NRXN3: variants seen among roughly 807,000 people sequenced by gnomAD.
NRXN3 encodes neurexin 3.
NRXN3 carries 32 observed loss-of-function variants against 137.6 expected under a neutral mutation model. That is an observed-to-expected ratio of 0.23 (90% confidence interval 0.18 to 0.31). The LOEUF is 0.31. NRXN3 is among the 10% of genes least tolerant of loss of function. The pLI is 1.00. For missense variants in NRXN3, 1,574 were observed against 2,062.5 expected (o/e 0.76, Z 4.59); for synonymous variants, 798 against 784.5 (o/e 1.02, Z -0.29).
In NRXN3 at chr14:78,765,082, T is replaced by A. The variant is rs78447348; in HGVS notation, c.2045-38538T>A. On this transcript the variant is annotated intron_variant, in intron 8 of 20. Coordinates refer to ENST00000335750, the MANE Select transcript of NRXN3 (RefSeq NM_001330195.2). ...TAAATGTATGCTATGGTCACCTCTG[T>A]AGAGGAAGAGAGCACAGAAAATTTT... is the stretch of plus-strand genomic sequence containing the variant. Among the ~76,000 whole-genome samples, 541 of 152,176 alleles carry A rather than the reference T, an allele frequency of 3.6e-3. 18 individuals are homozygous for A. In the East Asian group the frequency reaches 0.061, roughly 17 times the overall value.
chr14:78,608,113 A>G (rs960736958), intron 4 of NRXN3, among the ~76,000 whole-genome samples: 6 of 152,232 alleles, frequency 3.9e-5, no homozygotes, highest in Non-Finnish European at 8.8e-5. Flanking sequence ...CAGAGACATG[A>G]AACAGAAGTT....
intron 19 of NRXN3, among the ~76,000 whole-genome samples, chr14:79,716,541 C>G (rs2098824272): frequency 6.6e-6 from 1 of 152,028 alleles, no homozygotes; most frequent in South Asian, 2.1e-4. Context: ...AAATTTGATT[C>G]TTCTTCCTAT....
At chr14:78,369,273 T>C (rs1200014904) in intron 4 of NRXN3, among the ~76,000 whole-genome samples, 2 of 150,394 alleles carry the variant, frequency 1.3e-5, no homozygotes, top group African/African-American at 4.9e-5. Context: ...GCTTTGCCAA[T>C]AAAGGTTTTT....
intron 15 of NRXN3, among the ~76,000 whole-genome samples, chr14:79,035,075 C>T (rs1311417246): frequency 1.3e-5 from 2 of 152,106 alleles, no homozygotes; most frequent in Non-Finnish European, 2.9e-5. Flanking sequence ...CTGATATCAA[C>T]TTTAATTTCA....
intron 4 of NRXN3, among the ~76,000 whole-genome samples, chr14:78,637,476 AT>A (rs2097577130): frequency 6.6e-6 from 1 of 152,222 alleles, no homozygotes; most frequent in Admixed American, 6.5e-5. Context: ...AACAACAATG[AT>A]AGCTAACACT....
At chr14:79,001,083 C>T (rs1414762887) in intron 15 of NRXN3, among the ~76,000 whole-genome samples, 1 of 152,106 alleles carries the variant, frequency 6.6e-6, no homozygotes, top group African/African-American at 2.4e-5. Flanking sequence ...GATTGTGGCT[C>T]TATTTCCTGA....
intron 16 of NRXN3, among the ~76,000 whole-genome samples, chr14:79,473,161 A>G (rs898706640): frequency 2.6e-5 from 4 of 152,100 alleles, no homozygotes; most frequent in Non-Finnish European, 5.9e-5. Context: ...GGGGCAGACA[A>G]AGAACTGCTG....
intron 4 of NRXN3, among the ~76,000 whole-genome samples, chr14:78,633,536 G>T (rs1296924224): frequency 6.6e-6 from 1 of 152,078 alleles, no homozygotes; most frequent in Non-Finnish European, 1.5e-5. Flanking sequence ...CTGGGAATTA[G>T]CAGTCCCTTC....
chr14:78,263,129 T>C (rs184707800), intron 2 of NRXN3, among the ~76,000 whole-genome samples: 1 of 152,292 alleles, frequency 6.6e-6, no homozygotes, highest in Admixed American at 6.5e-5. Context: ...AATATGATGA[T>C]ATAAAGTGTC....
chr14:79,433,877 T>A (rs1267930023), intron 15 of NRXN3, among the ~76,000 whole-genome samples: 1 of 152,206 alleles, frequency 6.6e-6, no homozygotes, highest in East Asian at 1.9e-4. Flanking sequence ...AGTGGTTCTT[T>A]TGCAGAGAAA....
At chr14:79,511,995 G>A (rs1351658104) in intron 16 of NRXN3, among the ~76,000 whole-genome samples, 2 of 152,130 alleles carry the variant, frequency 1.3e-5, no homozygotes, top group African/African-American at 4.8e-5. Flanking sequence ...TGCCTCCCGG[G>A]TTCAAGTGAT....
intron 6 of NRXN3, among the ~76,000 whole-genome samples, chr14:78,679,640 TG>T (rs993645361): frequency 2.6e-5 from 4 of 152,204 alleles, no homozygotes; most frequent in African/African-American, 9.6e-5. Flanking sequence ...TATTTGTGAG[TG>T]GGAAGTGAGG....
intron 16 of NRXN3, 139 bp downstream of exon 16, chr14:79,467,541 A>G (rs1371883927): frequency 2.7e-6 from 2 of 730,118 alleles, no homozygotes; most frequent in East Asian, 3.0e-5. Flanking sequence ...GATGTGAACC[A>G]TCATATTTAC....
intron 15 of NRXN3, among the ~76,000 whole-genome samples, chr14:79,067,466 G>A (rs1381790297): frequency 6.6e-6 from 1 of 152,084 alleles, no homozygotes; most frequent in African/African-American, 2.4e-5. Flanking sequence ...GTATCTGGAT[G>A]ATGCTGGCCT....
intron 19 of NRXN3, among the ~76,000 whole-genome samples, chr14:79,712,067 G>GAT (rs1055137510): frequency 6.6e-6 from 1 of 152,180 alleles, no homozygotes; most frequent in African/African-American, 2.4e-5. Flanking sequence ...CGCAGCTGAA[G>GAT]ATAGATAGAT....
At chr14:79,424,140 C>T (rs1422595771) in intron 15 of NRXN3, among the ~76,000 whole-genome samples, 1 of 152,158 alleles carries the variant, frequency 6.6e-6, no homozygotes, top group Non-Finnish European at 1.5e-5. Flanking sequence ...ACAATGGAAT[C>T]ATTTATAAAA....
chr14:78,500,815 C>A (rs1037448670), intron 4 of NRXN3, among the ~76,000 whole-genome samples: 3 of 152,098 alleles, frequency 2.0e-5, no homozygotes, highest in Non-Finnish European at 4.4e-5. Flanking sequence ...TCAGCAAATA[C>A]TTTTGAGCAT....
chr14:78,855,753 A>T (rs1444617416), intron 10 of NRXN3, among the ~76,000 whole-genome samples: 2 of 152,142 alleles, frequency 1.3e-5, no homozygotes, highest in Admixed American at 1.3e-4. Flanking sequence ...TCCAGTGGAG[A>T]TTCGTTCATG....
intron 15 of NRXN3, among the ~76,000 whole-genome samples, chr14:79,291,084 G>T (rs2083111435): frequency 6.6e-6 from 1 of 152,084 alleles, no homozygotes; most frequent in South Asian, 2.1e-4. Flanking sequence ...ATTTTTTCCA[G>T]GAGCCAATTA....
Sources: allele counts gnomAD v4.1 joint callset (sites outside exome capture counted in the v4.1 genomes callset), GRCh38; gene constraint gnomAD v4.1.1; transcripts MANE v1.5; gene names NCBI Gene and HGNC (gene_info 2026-07-23, HGNC 2026-07-21).